Variants in ACAD10 observed in about 807,000 individuals in gnomAD.
The protein encoded by ACAD10 is ACAD-10.
ACAD10 carries 112 observed loss-of-function variants against 116.8 expected under a neutral mutation model. That is an observed-to-expected ratio of 0.96 (90% CI 0.82 to 1.12). The LOEUF is 1.12. Ranked by LOEUF, ACAD10 falls within the 50% of genes most tolerant of loss-of-function variation. The pLI is 0.00. For missense variants in ACAD10, 1,259 were observed against 1,350.2 expected (o/e 0.93, Z 1.06); for synonymous variants, 486 against 510.6 (o/e 0.95, Z 0.65).
Position 111,732,066 on chromosome 12 carries a change from G to A in ACAD10, c.1395-1857G>A, listed in dbSNP as rs560148611. ...ACTGCACTCCAGCCTGGGTGACAGA[G>A]TGAGACTCCATCTCAAAAAACAACA... On this transcript the variant is annotated intron_variant, in intron 10 of 20. Coordinates refer to ENST00000313698, the MANE Select transcript of ACAD10 (RefSeq NM_025247.6). 3.3e-5 allele frequency among the ~76,000 whole-genome samples: 5 copies of A among 152,278 alleles called. No individual in the cohort carries two copies. In the East Asian group the frequency reaches 7.7e-4, roughly 24 times the overall value.
At chr12:111,753,728 C>A in intron 18 of ACAD10, 44 bp from the exon 19 acceptor site, 2 of 1,613,476 alleles carry the variant, frequency 1.2e-6, no homozygotes, top group Non-Finnish European at 8.5e-7. Flanking sequence ...CGTGGCCACC[C>A]CCAGCCCAGC....
At chr12:111,735,185 C>T (rs1889512203) in intron 11 of ACAD10, among the ~76,000 whole-genome samples, 2 of 149,296 alleles carry the variant, frequency 1.3e-5, no homozygotes, top group Non-Finnish European at 3.0e-5. Flanking sequence ...GATGGCGCCA[C>T]TGCACTCGAG....
chr12:111,700,793 T>C (rs1308956430), intron 2 of ACAD10, among the ~76,000 whole-genome samples: 4 of 147,536 alleles, frequency 2.7e-5, no homozygotes, highest in African/African-American at 1.0e-4. Flanking sequence ...GGTCTTGCTC[T>C]ATGTCCCTAG....
rs770678141 is a variant in ACAD10, at chr12:111,712,605, G to A, written c.798G>A (p.Pro266=). The A allele has an allele frequency of 1.4e-5, 22 of 1,614,004 alleles. No homozygotes were observed. The East Asian group carries it at 2.7e-4, about 20-fold the overall frequency. The change falls in exon 6 of 21, where the codon CCG becomes CCA. Residue 266 remains proline (P), a synonymous_variant. Coordinates refer to ENST00000313698, the MANE Select transcript of ACAD10 (RefSeq NM_025247.6). ...CTGTGAAAAAGACGATGGAAATTCC[G>A]AAAGATTCCTTGCAGAAGTACCTCA... ...TRPVKKTMEI[P]KDSLQKYLKD...
chr12:111,739,095 A>G (rs1889657359), intron 12 of ACAD10, among the ~76,000 whole-genome samples: 1 of 152,136 alleles, frequency 6.6e-6, no homozygotes, highest in Admixed American at 6.6e-5. Context: ...CTCTCTAGAG[A>G]AGTATCCTGG....
chr12:111,712,732 CT>C (rs1888723200), intron 6 of ACAD10, 75 bp downstream of exon 6: 1 of 1,490,786 alleles, frequency 6.7e-7, no homozygotes, highest in Admixed American at 1.9e-5. Context: ...CTTTTCAACC[CT>C]AATGGAATGG....
chr12:111,711,190 G>A (rs1263774018), intron 5 of ACAD10, among the ~76,000 whole-genome samples: 9 of 152,240 alleles, frequency 5.9e-5, no homozygotes, highest in Non-Finnish European at 1.0e-4. Context: ...TTAAAGACCT[G>A]TGCTAAATTT....
rs199931703 is a variant in ACAD10, at chr12:111,750,095, GTT to G, written c.2817+763_2817+764del. 5.6e-3 allele frequency among the ~76,000 whole-genome samples: 738 copies of G among 132,238 alleles called. 8 individuals carry two copies. The highest frequency in any genetic ancestry group is 0.019 in the African/African-American group (696 of 36,294). 86.8% of individuals were successfully genotyped at this position (132,238 alleles called of 152,430 possible). A position where few individuals can be genotyped will look rare whatever the true frequency, so the allele number is the denominator to read the frequency against. On this transcript the variant is annotated intron_variant, in intron 18 of 20. Coordinates refer to ENST00000313698, the MANE Select transcript of ACAD10 (RefSeq NM_025247.6). Reference sequence around the variant, plus strand: ...GCAAAAAAAAGAAAAAGTTTTTTTTGTTTTTTTTTTTTTTGAGACGGAATCTC... The same window carrying G: ...GCAAAAAAAAGAAAAAGTTTTTTTTGTTTTTTTTTTTTGAGACGGAATCTC...
chr12:111,712,109 A>G (rs1218051071), intron 5 of ACAD10, among the ~76,000 whole-genome samples: 1 of 152,234 alleles, frequency 6.6e-6, no homozygotes, highest in African/African-American at 2.4e-5. Flanking sequence ...GCCAATGGAA[A>G]CTGGACACAG....
At chr12:111,738,016 G>A (rs1230725286) in intron 12 of ACAD10, among the ~76,000 whole-genome samples, 2 of 151,778 alleles carry the variant, frequency 1.3e-5, no homozygotes, top group Non-Finnish European at 2.9e-5. Context: ...CCATACCCGC[G>A]TCATTTTTTT....
At chr12:111,714,053 T>C (rs1888771274) in intron 6 of ACAD10, among the ~76,000 whole-genome samples, 1 of 151,998 alleles carries the variant, frequency 6.6e-6, no homozygotes, top group Admixed American at 6.6e-5. Flanking sequence ...GAGAGCAGCC[T>C]GGCCAATATG....
At chr12:111,707,845 A>T (rs556461434) in intron 4 of ACAD10, among the ~76,000 whole-genome samples, 3 of 152,124 alleles carry the variant, frequency 2.0e-5, no homozygotes, top group African/African-American at 7.2e-5. Flanking sequence ...ATGACCTGGG[A>T]GTTTGTAAAG....
intron 18 of ACAD10, chr12:111,749,764 A>C (rs1267893566): frequency 6.7e-6 from 1 of 149,050 alleles, no homozygotes; most frequent in South Asian, 2.1e-4. Flanking sequence ...CAGTCTCTAC[A>C]AAAAAAAAAA....
chr12:111,711,395 G>A (rs1888681765), intron 5 of ACAD10, among the ~76,000 whole-genome samples: 1 of 151,702 alleles, frequency 6.6e-6, no homozygotes, highest in South Asian at 2.1e-4. Context: ...TAGAGACAGG[G>A]TTTCACTGTG....
intron 4 of ACAD10, among the ~76,000 whole-genome samples, chr12:111,708,322 T>TC (rs965559233): frequency 1.3e-5 from 2 of 151,768 alleles, no homozygotes; most frequent in East Asian, 3.9e-4. Flanking sequence ...CTTTGCCCCA[T>TC]CCCCCCCAAT....
chr12:111,691,860 G>A (rs113378793), intron 1 of ACAD10, among the ~76,000 whole-genome samples: 11 of 152,278 alleles, frequency 7.2e-5, no homozygotes, highest in African/African-American at 2.6e-4. Context: ...GCCTCCCTAA[G>A]TGTTGAGATT....
intron 2 of ACAD10, among the ~76,000 whole-genome samples, chr12:111,700,402 T>A (rs1309979446): frequency 6.6e-6 from 1 of 152,228 alleles, no homozygotes; most frequent in African/African-American, 2.4e-5. Context: ...TTTGCTTACT[T>A]TCATAAATAT....
intron 12 of ACAD10, among the ~76,000 whole-genome samples, chr12:111,738,395 G>A (rs1253548415): frequency 2.1e-5 from 3 of 145,706 alleles, no homozygotes; most frequent in African/African-American, 7.7e-5. Flanking sequence ...GCAGTGAGCC[G>A]AGATCGTGCC....
At chr12:111,724,607 G>A (rs895316699) in intron 8 of ACAD10, among the ~76,000 whole-genome samples, 10 of 152,186 alleles carry the variant, frequency 6.6e-5, no homozygotes, top group African/African-American at 1.7e-4. Flanking sequence ...GCTGGAGACC[G>A]GCCTGGCCAA....
Sources: allele counts gnomAD v4.1 joint callset (sites outside exome capture counted in the v4.1 genomes callset), GRCh38; gene constraint gnomAD v4.1.1; transcripts MANE v1.5; gene names NCBI Gene and HGNC (gene_info 2026-07-23, HGNC 2026-07-21).